MINDY4B: variants seen among roughly 807,000 people sequenced by gnomAD.
MINDY4B encodes the protein MINDY family member 4B.
Under a neutral mutation model 16.7 loss-of-function variants are expected in MINDY4B, and 25 were observed. The ratio of observed to expected loss-of-function variants is 1.49; its 90% CI spans 1.09 to 2.09. The LOEUF (loss-of-function observed/expected upper bound fraction) is 2.09. MINDY4B is among the 30% of genes most tolerant of loss of function. The probability of loss-of-function intolerance (pLI) is 0.00; values close to 1 mark genes in which losing one functional copy is unlikely to be tolerated. For missense variants in MINDY4B, 327 were observed against 168.4 expected, an observed-to-expected ratio of 1.94 and a Z score of -5.21; for synonymous variants, 132 against 61.9, an observed-to-expected ratio of 2.13 and a Z score of -5.32.
At chr3:150,891,765 A>C (rs79292464) in intron 5 of MINDY4B, among the ~76,000 whole-genome samples, 2 of 62,964 alleles carry the variant, frequency 3.2e-5, no homozygotes, top group Admixed American at 1.7e-4. Context: ...CCATCTCAAA[A>C]AAAAAAAAAA....
chr3:150,904,214 G>C (rs1326812190), intron 2 of MINDY4B, among the ~76,000 whole-genome samples: 4 of 152,102 alleles, frequency 2.6e-5, no homozygotes, highest in Admixed American at 2.6e-4. Flanking sequence ...TTCCCACCGT[G>C]TGTAAAGCAT....
chr3:150,871,987 T>G (rs1245542527), intron 11 of MINDY4B, among the ~76,000 whole-genome samples: 1 of 152,208 alleles, frequency 6.6e-6, no homozygotes, highest in African/African-American at 2.4e-5. Flanking sequence ...AGGTGACACT[T>G]AAGAAGGTAC....
intron 10 of MINDY4B, among the ~76,000 whole-genome samples, chr3:150,881,278 T>G (rs1286959959): frequency 6.6e-6 from 1 of 151,920 alleles, no homozygotes; most frequent in Non-Finnish European, 1.5e-5. Flanking sequence ...CAGCTACTCG[T>G]GAGGCTGAGG....
At chr3:150,892,904 C>A (rs1028804925) in intron 5 of MINDY4B, among the ~76,000 whole-genome samples, 1 of 150,860 alleles carries the variant, frequency 6.6e-6, no homozygotes, top group Non-Finnish European at 1.5e-5. Flanking sequence ...CATGCCATTG[C>A]ACTCCAGCCT....
intron 10 of MINDY4B, among the ~76,000 whole-genome samples, chr3:150,876,418 G>A (rs1052339793): frequency 6.6e-6 from 1 of 152,164 alleles, no homozygotes; most frequent in Non-Finnish European, 1.5e-5. Flanking sequence ...ACAGGAGAAA[G>A]GTGTTTGAAA....
At chr3:150,902,607 A>G (rs1039682271) in intron 3 of MINDY4B, among the ~76,000 whole-genome samples, 2 of 152,166 alleles carry the variant, frequency 1.3e-5, no homozygotes, top group Non-Finnish European at 2.9e-5. Flanking sequence ...ATTTGACCCA[A>G]TGAGATGCCT....
In MINDY4B at chr3:150,870,721, T is replaced by C. The variant is rs1013804774; in HGVS notation, c.*324A>G. Among the ~76,000 whole-genome samples, 18 of 152,198 alleles carry C rather than the reference T, an allele frequency of 1.2e-4. No homozygotes were observed. Among genetic ancestry groups the C allele is most frequent in the African/African-American group, 4.3e-4 (18 of 41,450 alleles). Reference sequence around the variant, plus strand: ...CTTCCGTAATCCTCATGGAGAGTTATACCAAGAAAAGACAACTTTGGAAAA... The same window carrying C: ...CTTCCGTAATCCTCATGGAGAGTTACACCAAGAAAAGACAACTTTGGAAAA... On this transcript the variant is annotated 3_prime_UTR_variant, in exon 12 of 12. Coordinates refer to ENST00000465419, the MANE Select transcript of MINDY4B (RefSeq NM_001351281.2).
chr3:150,897,914 G>A (rs961758898), intron 3 of MINDY4B, among the ~76,000 whole-genome samples: 1 of 152,198 alleles, frequency 6.6e-6, no homozygotes, highest in Non-Finnish European at 1.5e-5. Flanking sequence ...GAAAACTAAT[G>A]GAAAATGTTT....
In MINDY4B at chr3:150,890,978, G is replaced by T; in HGVS notation, c.647C>A (p.Ala216Glu). Residue 216 changes from alanine to glutamate, a missense_variant, in exon 6 of 12, where the codon GCG becomes GAG. Transcript: ENST00000465419. ...ICLVTEDIYV[A>E]STPDYSVDNF... The stretch of plus-strand genomic sequence containing the variant: ...GTCCACAGAGTAGTCCGGAGTCGAC[G>T]CAACGTAAATGTCCTCAGTGACAAG... The T allele has an allele frequency of 1.4e-6, 1 of 702,812 alleles. No individual in the cohort carries two copies. The highest frequency in any genetic ancestry group is 2.6e-6 in the Non-Finnish European group (1 of 384,840). The allele number at this position is 702,812 out of a possible 1,614,324, so 43.5% of individuals were successfully genotyped here.
At chr3:150,891,264 C>T (rs1576613325) in intron 5 of MINDY4B, 161 bp from the exon 6 acceptor site, 2 of 598,594 alleles carry the variant, frequency 3.3e-6, no homozygotes, top group Admixed American at 2.8e-5. Context: ...GACTTTTATA[C>T]TGCATTGAAT....
chr3:150,886,078 G>C, intron 7 of MINDY4B, among the ~76,000 whole-genome samples: 1 of 152,158 alleles, frequency 6.6e-6, no homozygotes. Flanking sequence ...CTTCTCCCCT[G>C]TCTTTTCTTG....
At chr3:150,880,305 CTGTGTGTGTGTG>C (rs60659488) in intron 10 of MINDY4B, among the ~76,000 whole-genome samples, 10 of 149,778 alleles carry the variant, frequency 6.7e-5, no homozygotes, top group South Asian at 2.1e-4. Context: ...AGGTTCCCAT[CTGTGTGTGTGTG>C]TGTGTGTGTG....
At chr3:150,873,089 T>C (rs2107893297) in intron 11 of MINDY4B, 98 bp downstream of exon 11, 1 of 596,780 alleles carries the variant, frequency 1.7e-6, no homozygotes, top group Non-Finnish European at 3.0e-6. Flanking sequence ...CATTTTCCTG[T>C]GGAGCTAGCA....
Position 150,891,187 on chromosome 3 carries a change from A to G in MINDY4B, c.522-84T>C, listed in dbSNP as rs922354017. ...GATGGGAAGTAATTTGCTCCTGGTC[A>G]TTGACCTTCAAAGTCAGAGAGCAGC... is the stretch of plus-strand genomic sequence containing the variant. On this transcript the variant is annotated intron_variant, in intron 5 of 11. Transcript: ENST00000465419. 2.2e-5 allele frequency: 14 copies of G among 648,534 alleles called. No homozygotes were observed. The African/African-American group carries it at 2.3e-4, about 11-fold the overall frequency. The allele number at this position is 648,534 out of a possible 1,614,324, so 40.2% of individuals were successfully genotyped here.
intron 10 of MINDY4B, among the ~76,000 whole-genome samples, chr3:150,877,629 A>G (rs183713069): frequency 1.1e-4 from 17 of 152,244 alleles, no homozygotes; most frequent in African/African-American, 4.1e-4. Flanking sequence ...TACACCCGAC[A>G]AGTGTGATTT....
intron 6 of MINDY4B, 58 bp from the exon 7 acceptor site, chr3:150,890,443 G>C: frequency 1.8e-6 from 1 of 565,086 alleles, no homozygotes; most frequent in Non-Finnish European, 3.1e-6. Flanking sequence ...ACATCTAAGA[G>C]ATGTCAACTC....
chr3:150,893,422 T>C lies in MINDY4B; in HGVS notation c.430-7A>G. ...GAATGCTTCGGGCCCCTCCCTGAAA[T>C]GAGGAGAATGAATGACGAGGTGAAG... On this transcript the variant is annotated splice_polypyrimidine_tract_variant and splice_region_variant and intron_variant, in intron 4 of 11. Transcript: ENST00000465419. 2 of 702,744 alleles carry C rather than the reference T, an allele frequency of 2.8e-6. No individual in the cohort carries two copies. Among genetic ancestry groups the C allele is most frequent in the South Asian group, 1.5e-5 (1 of 67,592 alleles). The allele number at this position is 702,744 out of a possible 1,614,324, so 43.5% of individuals were successfully genotyped here.
chr3:150,879,970 C>A lies in MINDY4B; in HGVS notation c.1059+2927G>T, dbSNP rs4513502. ...ATTTAGCTGTGCTGAATGAACATAGCTGAATAAAGCACTATAACATTATGC... is the reference window on the plus strand; with the variant it reads ...ATTTAGCTGTGCTGAATGAACATAGATGAATAAAGCACTATAACATTATGC... On this transcript the variant is annotated intron_variant, in intron 10 of 11. Coordinates refer to ENST00000465419, the MANE Select transcript of MINDY4B (RefSeq NM_001351281.2). Among the ~76,000 whole-genome samples the A allele has an allele frequency of 2.2e-3, 334 of 152,352 alleles. 2 individuals are homozygous for A. Among genetic ancestry groups the A allele is most frequent in the African/African-American group, 7.4e-3 (308 of 41,588 alleles).
chr3:150,897,765 A>G (rs1712016206), intron 3 of MINDY4B, among the ~76,000 whole-genome samples: 1 of 152,238 alleles, frequency 6.6e-6, no homozygotes, highest in Non-Finnish European at 1.5e-5. Flanking sequence ...AAGAAAAACT[A>G]TGTGTTCTCT....
Sources: gnomAD v4.1 joint callset for allele counts (sites outside exome capture counted in the v4.1 genomes callset) on GRCh38, gnomAD v4.1.1 for gene constraint, MANE v1.5 for transcripts, NCBI Gene and HGNC (gene_info 2026-07-23, HGNC 2026-07-21) for gene names.